PID1: variants seen among roughly 807,000 people sequenced by gnomAD.
PID1 encodes phosphotyrosine interaction domain containing 1, also known as PTB-containing, cubilin and LRP1-interacting protein.
Under a neutral mutation model 19.1 loss-of-function variants are expected in PID1, and 10 were observed. The observed-to-expected ratio is 0.52, with a 90% CI of 0.32 to 0.89. The LOEUF (loss-of-function observed/expected upper bound fraction) is 0.89, where lower values mean the gene tolerates loss of function less well. PID1 is among the 40% of genes least tolerant of loss of function. The pLI, the probability that PID1 is intolerant of heterozygous loss-of-function variation, is 0.03. For synonymous variants in PID1, 130 were observed against 116.0 expected (o/e 1.12, Z -0.78); for missense variants, 248 against 285.3 (o/e 0.87, Z 0.94).
chr2:229,182,572 A>G (rs1690968343), intron 1 of PID1, among the ~76,000 whole-genome samples: 1 of 152,114 alleles, frequency 6.6e-6, no homozygotes, highest in Non-Finnish European at 1.5e-5. Context: ...GATTCCCACC[A>G]TCTTCAACCA....
At chr2:229,244,113 AAT>A (rs1689942652) in intron 1 of PID1, among the ~76,000 whole-genome samples, 1 of 152,158 alleles carries the variant, frequency 6.6e-6, no homozygotes, top group African/African-American at 2.4e-5. Context: ...ATGTAAACAA[AAT>A]ATGTTATTTT....
chr2:229,113,282 T>C (rs1559238613), intron 2 of PID1, among the ~76,000 whole-genome samples: 1 of 151,742 alleles, frequency 6.6e-6, no homozygotes, highest in Non-Finnish European at 1.5e-5. Context: ...AATCTTAAAA[T>C]AAATTAAGTA....
intron 2 of PID1, among the ~76,000 whole-genome samples, chr2:229,111,271 C>T (rs759526388): frequency 6.6e-5 from 10 of 152,068 alleles, no homozygotes; most frequent in Non-Finnish European, 1.5e-4. Context: ...AAAGGAGCAG[C>T]GATGCCACAG....
chr2:229,223,317 A>T (rs539383753), intron 1 of PID1, among the ~76,000 whole-genome samples: 1 of 152,306 alleles, frequency 6.6e-6, no homozygotes, highest in Admixed American at 6.5e-5. Context: ...TTTATTATTA[A>T]TAAGCTTAAT....
At chr2:229,134,433 A>T (rs1406407923) in intron 2 of PID1, among the ~76,000 whole-genome samples, 1 of 150,496 alleles carries the variant, frequency 6.6e-6, no homozygotes, top group Non-Finnish European at 1.5e-5. Context: ...TAGTAGAGAC[A>T]GGGTTTCACT....
intron 1 of PID1, 126 bp downstream of exon 1, chr2:229,270,888 G>T: frequency 2.6e-6 from 2 of 760,604 alleles, no homozygotes; most frequent in Non-Finnish European, 4.1e-6. Context: ...GCATCATGTT[G>T]CCATCGATGC....
intron 2 of PID1, among the ~76,000 whole-genome samples, chr2:229,035,379 C>A (rs987665070): frequency 6.6e-6 from 1 of 152,070 alleles, no homozygotes; most frequent in East Asian, 1.9e-4. Flanking sequence ...TGTTGGGACT[C>A]GCCAGCCCCT....
At chr2:229,051,629 C>T (rs1265108368) in intron 2 of PID1, among the ~76,000 whole-genome samples, 1 of 152,164 alleles carries the variant, frequency 6.6e-6, no homozygotes, top group African/African-American at 2.4e-5. Flanking sequence ...TGAGCCACCA[C>T]ACCATGGACT....
intron 2 of PID1, among the ~76,000 whole-genome samples, chr2:229,060,894 C>A (rs1029804442): frequency 6.6e-6 from 1 of 151,944 alleles, no homozygotes; most frequent in Non-Finnish European, 1.5e-5. Flanking sequence ...TATCTGTTGG[C>A]CATTTGTATG....
intron 2 of PID1, among the ~76,000 whole-genome samples, chr2:229,078,128 G>C (rs1482689420): frequency 6.6e-6 from 1 of 152,156 alleles, no homozygotes; most frequent in African/African-American, 2.4e-5. Context: ...TCCCTTGTAA[G>C]TTGTATTCCT....
chr2:229,248,323 T>C (rs1037617472), intron 1 of PID1, among the ~76,000 whole-genome samples: 2 of 152,242 alleles, frequency 1.3e-5, no homozygotes, highest in African/African-American at 2.4e-5. Flanking sequence ...AGAGAATACA[T>C]GCTCCTGGAA....
chr2:229,036,562 A>T (rs924227992), intron 2 of PID1, among the ~76,000 whole-genome samples: 2 of 152,078 alleles, frequency 1.3e-5, no homozygotes, highest in Admixed American at 6.6e-5. Flanking sequence ...CAGCCTGGCC[A>T]ACACAGTGAA....
chr2:229,267,369 G>GT (rs1214857404), intron 1 of PID1, among the ~76,000 whole-genome samples: 1 of 152,284 alleles, frequency 6.6e-6, no homozygotes, highest in East Asian at 1.9e-4. Flanking sequence ...ATAAAAAGCT[G>GT]TTTTTTCTGA....
At chr2:229,104,042 T>G (rs949195841) in intron 2 of PID1, among the ~76,000 whole-genome samples, 1 of 152,256 alleles carries the variant, frequency 6.6e-6, no homozygotes, top group Non-Finnish European at 1.5e-5. Context: ...TTGATCTCAG[T>G]GTACAAGTAA....
At chr2:229,049,671 A>T (rs1693951721) in intron 2 of PID1, among the ~76,000 whole-genome samples, 1 of 152,192 alleles carries the variant, frequency 6.6e-6, no homozygotes, top group Non-Finnish European at 1.5e-5. Flanking sequence ...TTCTATCCCA[A>T]GTTTCACAGC....
At chr2:229,254,082 G>A (rs1225756176) in intron 1 of PID1, among the ~76,000 whole-genome samples, 1 of 152,088 alleles carries the variant, frequency 6.6e-6, no homozygotes, top group African/African-American at 2.4e-5. Context: ...CAACTCCCGG[G>A]AGAAAGTGTC....
chr2:229,045,686 T>C (rs1574581413), intron 2 of PID1, among the ~76,000 whole-genome samples: 1 of 152,344 alleles, frequency 6.6e-6, no homozygotes, highest in East Asian at 1.9e-4. Flanking sequence ...TGGGAGTGAA[T>C]TGATGAGGAA....
At chr2:229,136,553 A>G (rs536569769) in intron 2 of PID1, among the ~76,000 whole-genome samples, 9 of 152,244 alleles carry the variant, frequency 5.9e-5, no homozygotes, top group Non-Finnish European at 8.8e-5. Context: ...AAACTTAGCC[A>G]TACATTAATG....
At chr2:229,263,401 G>C (rs188574897) in intron 1 of PID1, among the ~76,000 whole-genome samples, 147 of 152,276 alleles carry the variant, frequency 9.7e-4, no homozygotes, top group African/African-American at 3.3e-3. Context: ...GGAGGAAAAG[G>C]CTATTTCCCC....
Sources: allele counts gnomAD v4.1 joint callset (sites outside exome capture counted in the v4.1 genomes callset), GRCh38; gene constraint gnomAD v4.1.1; transcripts MANE v1.5; gene names NCBI Gene and HGNC (gene_info 2026-07-23, HGNC 2026-07-21).